KLHL13: variants seen among roughly 807,000 people sequenced by gnomAD.
KLHL13 encodes kelch-like protein 13.
A neutral mutation model predicts 37.1 loss-of-function variants in KLHL13; 10 were observed. That is an observed-to-expected ratio of 0.27 (90% confidence interval 0.17 to 0.46). The LOEUF is 0.46. KLHL13 is among the 20% of genes least tolerant of loss of function. The pLI, the probability that KLHL13 is intolerant of heterozygous loss-of-function variation, is 1.00. For synonymous variants in KLHL13, 163 were observed against 181.2 expected (o/e 0.90, Z 0.81); for missense variants, 360 against 509.3 (o/e 0.71, Z 2.82).
intron 1 of KLHL13, among the ~76,000 whole-genome samples, chrX:118,101,652 CA>C (rs1156681315): frequency 9.0e-6 from 1 of 111,215 alleles, no homozygotes; most frequent in Non-Finnish European, 1.9e-5. Flanking sequence ...TGTCCCCACC[CA>C]AATCTCATCT....
chrX:117,904,880 TTTACA>T (rs1398791226), intron 5 of KLHL13, among the ~76,000 whole-genome samples: 1 of 111,760 alleles, frequency 8.9e-6, no homozygotes, highest in Non-Finnish European at 1.9e-5. Context: ...TGGCCTAGTG[TTTACA>T]TTAAAGAATC....
chrX:118,099,002 T>G (rs1237510372), intron 1 of KLHL13, among the ~76,000 whole-genome samples: 5 of 98,228 alleles, frequency 5.1e-5, no homozygotes, highest in Non-Finnish European at 8.2e-5. Context: ...GAGAGATACC[T>G]AATGCTAAAT....
At chrX:117,902,984 G>C (rs1319633001) in intron 5 of KLHL13, among the ~76,000 whole-genome samples, 7 of 110,402 alleles carry the variant, frequency 6.3e-5, no homozygotes, top group Admixed American at 3.9e-4. Flanking sequence ...ATAGTTCTGG[G>C]CAGCGACGGG....
exon 5 of KLHL13, chrX:117,909,750 T>C: frequency 8.3e-7 from 1 of 1,211,683 alleles, no homozygotes; most frequent in Non-Finnish European, 1.1e-6. Flanking sequence ...CACACAAGTA[T>C]TGTCAGTTCT....
At chrX:118,108,998 T>C (rs894055891) in intron 1 of KLHL13, among the ~76,000 whole-genome samples, 8 of 111,737 alleles carry the variant, frequency 7.2e-5, no homozygotes, top group African/African-American at 2.3e-4. Flanking sequence ...TTTGTTCTTA[T>C]AGAGACAGGG....
intron 1 of KLHL13, among the ~76,000 whole-genome samples, chrX:118,089,104 C>CAA (rs1469422686): frequency 9.0e-6 from 1 of 111,486 alleles, no homozygotes; most frequent in East Asian, 2.8e-4. Flanking sequence ...CTAAACACTA[C>CAA]AGAAAAAAAT....
chrX:118,044,506 C>T (rs1269098710), intron 1 of KLHL13, among the ~76,000 whole-genome samples: 1 of 106,781 alleles, frequency 9.4e-6, no homozygotes, highest in Non-Finnish European at 1.9e-5. Context: ...GCTACAGTAA[C>T]CAAAACAGCA....
At chrX:118,111,335 A>G (rs1472568769) in intron 1 of KLHL13, among the ~76,000 whole-genome samples, 1 of 113,285 alleles carries the variant, frequency 8.8e-6, no homozygotes, top group Non-Finnish European at 1.9e-5. Flanking sequence ...CATTAAGTAG[A>G]ATAAAGACTA....
At chrX:117,898,798 C>G in exon 7 of KLHL13, 1 of 830,747 alleles carries the variant, frequency 1.2e-6, no homozygotes, top group Non-Finnish European at 1.7e-6. Flanking sequence ...ATATCTGTAT[C>G]AATTACCAGA....
intron 1 of KLHL13, among the ~76,000 whole-genome samples, chrX:118,072,746 A>G (rs2054884602): frequency 8.9e-6 from 1 of 112,144 alleles, no homozygotes; most frequent in East Asian, 2.8e-4. Flanking sequence ...TAGATCCACA[A>G]AAGTTTAGAA....
At chrX:118,099,088 A>G (rs2148170325) in intron 1 of KLHL13, among the ~76,000 whole-genome samples, 1 of 108,815 alleles carries the variant, frequency 9.2e-6, no homozygotes, top group African/African-American at 3.4e-5. Context: ...GTGCACATGT[A>G]CTCTAAAACT....
chrX:118,016,021 T>C (rs1347424227), intron 1 of KLHL13, among the ~76,000 whole-genome samples: 1 of 112,086 alleles, frequency 8.9e-6, no homozygotes, highest in Non-Finnish European at 1.9e-5. Context: ...AACCAAATTA[T>C]GATAAATTAA....
chrX:117,953,043 T>A (rs1444441225), intron 1 of KLHL13, among the ~76,000 whole-genome samples: 1 of 111,190 alleles, frequency 9.0e-6, no homozygotes, highest in Non-Finnish European at 1.9e-5. Flanking sequence ...GACCCAGCCA[T>A]CCCATTACTG....
intron 1 of KLHL13, among the ~76,000 whole-genome samples, chrX:118,101,964 A>G (rs1413408070): frequency 2.7e-5 from 3 of 111,781 alleles, no homozygotes; most frequent in Non-Finnish European, 3.8e-5. Context: ...AGTCTTGGGT[A>G]TTTCTTTATA....
chrX:117,942,677 G>C (rs778307157), intron 2 of KLHL13, among the ~76,000 whole-genome samples: 1 of 110,776 alleles, frequency 9.0e-6, no homozygotes. Flanking sequence ...TTTTCCATTT[G>C]CTTGGTAAAT....
intron 4 of KLHL13, among the ~76,000 whole-genome samples, chrX:117,914,761 C>A (rs898411616): frequency 8.9e-6 from 1 of 112,203 alleles, no homozygotes; most frequent in African/African-American, 3.2e-5. Context: ...ATATTCAATT[C>A]TCTATTTATT....
At position 118,063,542 on chromosome X, in the gene KLHL13, A is replaced by G. The variant is rs867009873; in HGVS notation, c.-56+52966T>C. 6.3e-5 allele frequency among the ~76,000 whole-genome samples: 7 copies of G among 111,922 alleles called. No individual in the cohort carries two copies. In the South Asian group the frequency reaches 1.5e-3, roughly 24 times the overall value. On this transcript the variant is annotated intron_variant, in intron 1 of 6. Coordinates refer to the KLHL13 transcript ENST00000371882. ...AGGTACTTTCAGAACAGAAATGCTG[A>G]GAGCAGTTTGGTCAAAACTCTTTTA...
intron 1 of KLHL13, among the ~76,000 whole-genome samples, chrX:117,948,232 T>C (rs544424691): frequency 8.9e-6 from 1 of 111,876 alleles, no homozygotes; most frequent in South Asian, 3.7e-4. Flanking sequence ...CTCATGAAAA[T>C]TTTTCTCAAG....
At position 118,001,192 on chromosome X, in the gene KLHL13, G is replaced by A. The variant is rs776942752; in HGVS notation, c.-55-55617C>T. Among the ~76,000 whole-genome samples, 9 of 111,599 alleles carry A rather than the reference G, an allele frequency of 8.1e-5. No individual in the cohort carries two copies. The South Asian group carries it at 3.4e-3, about 42-fold the overall frequency. On this transcript the variant is annotated intron_variant, in intron 1 of 6. Coordinates refer to the KLHL13 transcript ENST00000371882. ...AGCTTCCATGAACTAACTGGCATCT[G>A]GGAACCACTGCCATTAGAAAACTTT...
Sources: allele counts gnomAD v4.1 joint callset (sites outside exome capture counted in the v4.1 genomes callset), GRCh38; gene constraint gnomAD v4.1.1; transcripts MANE v1.5; gene names NCBI Gene and HGNC (gene_info 2026-07-23, HGNC 2026-07-21).